The following CWC27 variants were observed in gnomAD, a reference collection of about 807,000 sequenced individuals.
CWC27 encodes spliceosome-associated protein CWC27 homolog.
Under a neutral mutation model 63.6 loss-of-function variants are expected in CWC27, and 47 were observed. That is an observed-to-expected ratio of 0.74 (90% CI 0.58 to 0.94). The LOEUF (loss-of-function observed/expected upper bound fraction) is 0.94. CWC27 is among the 40% of genes least tolerant of loss of function. The pLI is 0.00. For missense variants in CWC27, 495 were observed against 554.3 expected, an observed-to-expected ratio of 0.89 and a Z score of 1.07; for synonymous variants, 175 against 179.8, an observed-to-expected ratio of 0.97 and a Z score of 0.22.
At chr5:64,901,467 A>G (rs1378770864) in intron 11 of CWC27, among the ~76,000 whole-genome samples, 1 of 151,934 alleles carries the variant, frequency 6.6e-6, no homozygotes, top group African/African-American at 2.4e-5. Context: ...CAAAAAAAAA[A>G]AAAAAAGGTA....
intron 11 of CWC27, among the ~76,000 whole-genome samples, chr5:64,922,532 G>GT (rs1748017586): frequency 6.6e-6 from 1 of 152,152 alleles, no homozygotes; most frequent in South Asian, 2.1e-4. Flanking sequence ...TCTCGTATCA[G>GT]TTTACTGTTT....
chr5:64,815,412 G>A (rs758588016), intron 10 of CWC27, among the ~76,000 whole-genome samples: 16 of 152,180 alleles, frequency 1.1e-4, no homozygotes, highest in Non-Finnish European at 1.5e-4. Context: ...CTCTTAAAGC[G>A]TCTGCTTCGA....
At chr5:64,802,464 G>A (rs1445622194) in intron 9 of CWC27, among the ~76,000 whole-genome samples, 1 of 152,140 alleles carries the variant, frequency 6.6e-6, no homozygotes, top group Non-Finnish European at 1.5e-5. Context: ...TTAAAAAGAA[G>A]GATGCTATGA....
intron 11 of CWC27, among the ~76,000 whole-genome samples, chr5:64,896,554 G>A (rs1747381370): frequency 6.6e-6 from 1 of 151,800 alleles, no homozygotes; most frequent in Non-Finnish European, 1.5e-5. Flanking sequence ...AGAAGGTAAA[G>A]ACACAAGATA....
chr5:64,863,408 T>C (rs1746458229), intron 10 of CWC27, among the ~76,000 whole-genome samples: 1 of 151,860 alleles, frequency 6.6e-6, no homozygotes, highest in Admixed American at 6.6e-5. Flanking sequence ...TCCTCCTCTG[T>C]TCTCCCCTAC....
intron 11 of CWC27, among the ~76,000 whole-genome samples, chr5:64,891,484 A>G (rs1747235512): frequency 6.6e-6 from 1 of 152,180 alleles, no homozygotes; most frequent in South Asian, 2.1e-4. Flanking sequence ...GCAAATATGA[A>G]GATGTACATA....
At chr5:64,920,704 T>G (rs1747980141) in intron 11 of CWC27, among the ~76,000 whole-genome samples, 1 of 152,212 alleles carries the variant, frequency 6.6e-6, no homozygotes, top group Non-Finnish European at 1.5e-5. Context: ...TTTCAGGAAT[T>G]TATCCATTTC....
intron 11 of CWC27, among the ~76,000 whole-genome samples, chr5:64,924,406 CAG>C (rs1748063364): frequency 6.6e-6 from 1 of 152,166 alleles, no homozygotes. Flanking sequence ...TACCAAAAGA[CAG>C]AAACCAAAGA....
intron 13 of CWC27, among the ~76,000 whole-genome samples, chr5:65,003,132 T>A (rs1444040241): frequency 6.6e-6 from 1 of 152,230 alleles, no homozygotes; most frequent in Non-Finnish European, 1.5e-5. Flanking sequence ...TCTGTTTGTG[T>A]GAAAAATCTT....
intron 11 of CWC27, among the ~76,000 whole-genome samples, chr5:64,910,680 G>C (rs780273152): frequency 1.9e-4 from 29 of 152,212 alleles, no homozygotes; most frequent in Non-Finnish European, 3.7e-4. Context: ...ACCCCTGCCA[G>C]GCTGCTGCCT....
intron 11 of CWC27, among the ~76,000 whole-genome samples, chr5:64,921,356 G>C (rs888072563): frequency 6.6e-6 from 1 of 151,950 alleles, no homozygotes; most frequent in Non-Finnish European, 1.5e-5. Flanking sequence ...GGCCTAGCTT[G>C]CGGTCAGTCT....
At chr5:64,892,650 G>A (rs1002754837) in intron 11 of CWC27, among the ~76,000 whole-genome samples, 5 of 152,068 alleles carry the variant, frequency 3.3e-5, no homozygotes, top group Non-Finnish European at 7.4e-5. Context: ...TCTTAAGGGG[G>A]CAACTTGCTT....
At chr5:64,955,944 C>T (rs1401274280) in intron 11 of CWC27, among the ~76,000 whole-genome samples, 2 of 152,120 alleles carry the variant, frequency 1.3e-5, no homozygotes, top group Non-Finnish European at 2.9e-5. Context: ...CCCTGTCTCA[C>T]CTTTGCACTT....
intron 10 of CWC27, among the ~76,000 whole-genome samples, chr5:64,814,873 C>T (rs1744983699): frequency 6.6e-6 from 1 of 152,060 alleles, no homozygotes. Flanking sequence ...AAGGGCCTAA[C>T]TAAGGTGTAG....
At chr5:64,949,736 T>A (rs1409411260) in intron 11 of CWC27, among the ~76,000 whole-genome samples, 1 of 152,040 alleles carries the variant, frequency 6.6e-6, no homozygotes, top group Non-Finnish European at 1.5e-5. Flanking sequence ...TGGCTTTTAC[T>A]GTCATGGCTC....
chr5:64,891,586 A>G (rs1747238780), intron 11 of CWC27, among the ~76,000 whole-genome samples: 1 of 152,166 alleles, frequency 6.6e-6, no homozygotes, highest in South Asian at 2.1e-4. Context: ...TTTTTTAGAC[A>G]ATCTATCTCA....
chr5:64,950,244 C>G (rs1025695734), intron 11 of CWC27, among the ~76,000 whole-genome samples: 6 of 151,760 alleles, frequency 4.0e-5, no homozygotes, highest in Admixed American at 2.6e-4. Context: ...CACAATGATA[C>G]TAAACTATTA....
chr5:64,873,872 G>A (rs1426871651), intron 10 of CWC27, among the ~76,000 whole-genome samples: 1 of 152,004 alleles, frequency 6.6e-6, no homozygotes, highest in Non-Finnish European at 1.5e-5. Flanking sequence ...GTTAGAGATA[G>A]GGGTCTAGTT....
At chr5:64,960,141 A>T (rs1158281004) in intron 11 of CWC27, among the ~76,000 whole-genome samples, 1 of 150,860 alleles carries the variant, frequency 6.6e-6, no homozygotes, top group African/African-American at 2.4e-5. Context: ...GAAGGATTTT[A>T]TTTCATCGGG....
Sources: allele counts gnomAD v4.1 joint callset (sites outside exome capture counted in the v4.1 genomes callset), GRCh38; gene constraint gnomAD v4.1.1; transcripts MANE v1.5; gene names NCBI Gene and HGNC (gene_info 2026-07-23, HGNC 2026-07-21).